PACRGL: variants seen among roughly 807,000 people sequenced by gnomAD.
PACRGL encodes the protein parkin coregulated like.
A neutral mutation model predicts 34.5 loss-of-function variants in PACRGL; 38 were observed. The ratio of observed to expected loss-of-function variants is 1.10; its 90% confidence interval spans 0.85 to 1.44. PACRGL has a LOEUF of 1.44. PACRGL is among the 40% of genes most tolerant of loss of function. The probability of loss-of-function intolerance (pLI) is 0.00; values close to 1 mark genes in which losing one functional copy is unlikely to be tolerated. For missense variants in PACRGL, 305 were observed against 281.4 expected, an observed-to-expected ratio of 1.08 and a Z score of -0.60; for synonymous variants, 128 against 100.1, an observed-to-expected ratio of 1.28 and a Z score of -1.66.
chr4:20,725,350 TGTAC>T (rs1443439381), intron 8 of PACRGL, among the ~76,000 whole-genome samples: 1 of 111,220 alleles, frequency 9.0e-6, no homozygotes, highest in African/African-American at 4.0e-5. Flanking sequence ...CCCCCATAGG[TGTAC>T]ACACACACAC....
Position 20,727,332 on chromosome 4 carries a change from A to G in PACRGL, c.738A>G (p.Ile246Met), listed in dbSNP as rs1271558395. 2 of 1,612,114 alleles carry G rather than the reference A, an allele frequency of 1.2e-6. No individual in the cohort carries two copies. Among genetic ancestry groups the G allele is most frequent in the Non-Finnish European group, 1.7e-6 (2 of 1,178,534 alleles). ...CTAAAATTCCAACATACTGCTCCAT[A>G]TGCTGTTGAAGAAGGGAGCCAACAA... Reference protein sequence around the residue: ...IKSKIPTYCSICC With the variant: ...IKSKIPTYCSMCC Residue 246 changes from isoleucine (I) to methionine (M), a missense_variant, in exon 9 of 9, where the codon ATA becomes ATG. Physicochemically the swap from Ile to Met is conservative, Grantham distance 10. Coordinates refer to ENST00000503585, the MANE Select transcript of PACRGL (RefSeq NM_001258345.3).
In PACRGL at chr4:20,730,201, G is replaced by C; in HGVS notation, c.*2860G>C. 6.7e-7 allele frequency: 1 copy of C among 1,502,854 alleles called. No individual in the cohort carries two copies. The highest frequency in any genetic ancestry group is 8.9e-7 in the Non-Finnish European group (1 of 1,123,064). 93.1% of individuals were successfully genotyped at this position (1,502,854 alleles called of 1,614,324 possible). ...GAAAAGTACACTATTTTGCCCCTGA[G>C]TATTGCCTCCTCCCATCAACCACCT... is the stretch of plus-strand genomic sequence containing the variant. On this transcript the variant is annotated 3_prime_UTR_variant, in exon 9 of 9. Transcript: ENST00000503585.
chr4:20,748,173 G>T (rs1752768044), intron 8 of PACRGL, among the ~76,000 whole-genome samples: 1 of 152,024 alleles, frequency 6.6e-6, no homozygotes, highest in East Asian at 1.9e-4. Context: ...CCAATCTCCT[G>T]CCTAAGACAT....
In PACRGL at chr4:20,732,114, T is replaced by G; in HGVS notation, c.*4773T>G. ...AATTGTATTTAGACTTATCCCTTAA[T>G]ACCCTCACACCTGGACCAAATGAGC... On this transcript the variant is annotated 3_prime_UTR_variant, in exon 9 of 9. Transcript: ENST00000503585. The G allele has an allele frequency of 7.5e-7, 1 of 1,326,366 alleles. No individual in the cohort carries two copies. Among genetic ancestry groups the G allele is most frequent in the Non-Finnish European group, 1.1e-6 (1 of 920,238 alleles). 82.2% of individuals were successfully genotyped at this position (1,326,366 alleles called of 1,614,324 possible). A position where few individuals can be genotyped will look rare whatever the true frequency, so the allele number is the denominator to read the frequency against.
intron 7 of PACRGL, among the ~76,000 whole-genome samples, chr4:20,714,895 A>G (rs1230082076): frequency 6.6e-6 from 1 of 152,138 alleles, no homozygotes; most frequent in Non-Finnish European, 1.5e-5. Flanking sequence ...AACTAGAAAT[A>G]CCATTTGACC....
At chr4:20,726,406 T>C (rs897454941) in intron 8 of PACRGL, among the ~76,000 whole-genome samples, 4 of 152,096 alleles carry the variant, frequency 2.6e-5, no homozygotes, top group East Asian at 1.9e-4. Flanking sequence ...GTTTCCTCCT[T>C]CTTATATCCT....
upstream of PACRGL, among the ~76,000 whole-genome samples, chr4:20,700,248 G>T (rs1427585146): frequency 2.0e-5 from 3 of 152,180 alleles, no homozygotes; most frequent in African/African-American, 7.2e-5. Context: ...CCTCTTATTC[G>T]AAAAACATCC....
At chr4:20,737,991 G>C (rs923657067) in intron 8 of PACRGL, among the ~76,000 whole-genome samples, 1 of 152,054 alleles carries the variant, frequency 6.6e-6, no homozygotes, top group African/African-American at 2.4e-5. Flanking sequence ...AATTAACTGG[G>C]TATGGTGGTG....
chr4:20,729,766 T>C lies in PACRGL; in HGVS notation c.*2425T>C. On this transcript the variant is annotated 3_prime_UTR_variant, in exon 9 of 9. Coordinates refer to ENST00000503585, the MANE Select transcript of PACRGL (RefSeq NM_001258345.3). ...AAAAACACTGATATTTTAAAATCAC[T>C]GATATGTGAAAGCCTCAATAATCCC... 1 of 240,630 alleles carries C rather than the reference T, an allele frequency of 4.2e-6. No homozygotes were observed. The highest frequency in any genetic ancestry group is 7.9e-6 in the Non-Finnish European group (1 of 125,990). The allele number at this position is 240,630 out of a possible 1,614,324, so 14.9% of individuals were successfully genotyped here. A position where few individuals can be genotyped will look rare whatever the true frequency, so the allele number is the denominator to read the frequency against.
Position 20,729,774 on chromosome 4 carries a change from G to GT in PACRGL, c.*2433_*2434insT, listed in dbSNP as rs1176105564. Reference sequence around the variant, plus strand: ...TGATATTTTAAAATCACTGATATGTGAAAGCCTCAATAATCCCATGGCTAA... The same window carrying GT: ...TGATATTTTAAAATCACTGATATGTGTAAAGCCTCAATAATCCCATGGCTAA... On this transcript the variant is annotated 3_prime_UTR_variant, in exon 9 of 9. Coordinates refer to ENST00000503585, the MANE Select transcript of PACRGL (RefSeq NM_001258345.3). 1.2e-5 allele frequency: 3 copies of GT among 257,746 alleles called. No homozygotes were observed. The highest frequency in any genetic ancestry group is 2.2e-5 in the Non-Finnish European group (3 of 137,004). 16.0% of individuals were successfully genotyped at this position (257,746 alleles called of 1,614,324 possible). A position where few individuals can be genotyped will look rare whatever the true frequency, so the allele number is the denominator to read the frequency against.
intron 3 of PACRGL, among the ~76,000 whole-genome samples, chr4:20,706,720 C>T (rs1412717477): frequency 6.6e-6 from 1 of 151,966 alleles, no homozygotes; most frequent in African/African-American, 2.4e-5. Flanking sequence ...GGACTACAGG[C>T]ACCCGCCACC....
chr4:20,730,801 G>T lies in PACRGL; in HGVS notation c.*3460G>T, dbSNP rs1363924681. 5.9e-5 allele frequency among the ~76,000 whole-genome samples: 9 copies of T among 152,200 alleles called. No homozygotes were observed. The East Asian group carries it at 1.5e-3, about 26-fold the overall frequency. ...AGGGGACAGACTTTGGGCATTATTGGAGCACTTGTCAGTTGCATGTGAATA... is the reference window on the plus strand; with the variant it reads ...AGGGGACAGACTTTGGGCATTATTGTAGCACTTGTCAGTTGCATGTGAATA... On this transcript the variant is annotated 3_prime_UTR_variant, in exon 9 of 9. Transcript: ENST00000503585.
chr4:20,717,160 AC>A (rs753706217), intron 7 of PACRGL, among the ~76,000 whole-genome samples: 13 of 151,950 alleles, frequency 8.6e-5, no homozygotes, highest in Non-Finnish European at 1.8e-4. Flanking sequence ...CGTATCCTTC[AC>A]CCACTTTTTG....
chr4:20,701,548 C>A (rs2149026587), intron 1 of PACRGL: 1 of 220,570 alleles, frequency 4.5e-6, no homozygotes, highest in South Asian at 6.9e-5. Context: ...TGCCCCTTTA[C>A]ACCATCCTCT....
chr4:20,712,946 T>C, intron 6 of PACRGL, 24 bp downstream of exon 6: 1 of 1,487,852 alleles, frequency 6.7e-7, no homozygotes, highest in Admixed American at 2.2e-5. Context: ...TTCATTGTAC[T>C]TTATATTTGA....
the PACRGL span, among the ~76,000 whole-genome samples, chr4:20,762,257 C>G: frequency 2.0e-5 from 3 of 152,096 alleles, no homozygotes; most frequent in African/African-American, 7.2e-5. Flanking sequence ...GGACACTTAT[C>G]TAATTCATGA....
At position 20,712,807 on chromosome 4, in the gene PACRGL, A is replaced by G. The variant is rs1245451039; in HGVS notation, c.386A>G (p.His129Arg). The G allele has an allele frequency of 1.3e-6, 2 of 1,579,086 alleles. No individual in the cohort carries two copies. The highest frequency in any genetic ancestry group is 1.7e-4 in the Middle Eastern group (1 of 5,882). ...TGTCAGGGTCTGAGAGAGACTAAGC[A>G]TCCATACACTTTTGTGTCAAAGGAG... ...TLAEGLRETK[H>R]PYTFVSKEGF... The change falls in exon 6 of 9, where the codon CAT (histidine) becomes CGT (arginine). Residue 129 changes from histidine to arginine, a missense_variant. By Grantham distance (29) the His-to-Arg change is conservative. Transcript: ENST00000503585.
intron 8 of PACRGL, among the ~76,000 whole-genome samples, chr4:20,746,668 G>A (rs1752491120): frequency 6.6e-6 from 1 of 152,076 alleles, no homozygotes; most frequent in Non-Finnish European, 1.5e-5. Flanking sequence ...AGCTTTGATT[G>A]CTGATGTTTT....
chr4:20,764,357 A>T, the PACRGL span, among the ~76,000 whole-genome samples: 2 of 152,042 alleles, frequency 1.3e-5, no homozygotes, highest in African/African-American at 4.8e-5. Context: ...TTACATCATG[A>T]TTTTTAGTGA....
Sources: allele counts gnomAD v4.1 joint callset (sites outside exome capture counted in the v4.1 genomes callset), GRCh38; gene constraint gnomAD v4.1.1; transcripts MANE v1.5; gene names NCBI Gene and HGNC (gene_info 2026-07-23, HGNC 2026-07-21).